The following DOCK1 variants were observed in gnomAD, a reference collection of about 807,000 sequenced individuals.
DOCK1 encodes the protein dedicator of cytokinesis 1.
A neutral mutation model predicts 262.7 loss-of-function variants in DOCK1; 138 were observed. The ratio of observed to expected loss-of-function variants is 0.53; its 90% CI spans 0.46 to 0.61. DOCK1 has a LOEUF of 0.61. Ranked by LOEUF, DOCK1 falls within the 20% of genes least tolerant of loss-of-function variation. The pLI, the probability that DOCK1 is intolerant of heterozygous loss-of-function variation, is 0.00. For synonymous variants in DOCK1, 866 were observed against 867.4 expected (o/e 1.00, Z 0.03); for missense variants, 1,908 against 2,370.7 (o/e 0.80, Z 4.05).
intron 33 of DOCK1, among the ~76,000 whole-genome samples, chr10:127,370,346 G>T (rs529355954): frequency 6.6e-6 from 1 of 152,176 alleles, no homozygotes; most frequent in East Asian, 1.9e-4. Context: ...GATAACCTCG[G>T]AGCCCTCCAT....
chr10:127,107,351 G>T (rs1035182234), intron 24 of DOCK1, among the ~76,000 whole-genome samples: 1 of 152,082 alleles, frequency 6.6e-6, no homozygotes, highest in Non-Finnish European at 1.5e-5. Context: ...TAGGTCACTC[G>T]TGCCCTGGAA....
intron 25 of DOCK1, among the ~76,000 whole-genome samples, chr10:127,115,738 A>G (rs995768032): frequency 2.6e-5 from 4 of 152,244 alleles, no homozygotes; most frequent in African/African-American, 9.6e-5. Context: ...GTTAGTAAAG[A>G]GCATTGGCTA....
intron 12 of DOCK1, among the ~76,000 whole-genome samples, chr10:127,014,460 T>C (rs1317697603): frequency 1.3e-5 from 2 of 152,236 alleles, no homozygotes; most frequent in Non-Finnish European, 2.9e-5. Context: ...TTAGTTTATG[T>C]ATTAAGATAT....
intron 1 of DOCK1, among the ~76,000 whole-genome samples, chr10:126,967,026 C>G (rs1468576881): frequency 6.6e-6 from 1 of 152,166 alleles, no homozygotes. Context: ...TTCAGCCCAC[C>G]ACCCAGAGGG....
At chr10:126,932,650 G>A in intron 1 of DOCK1, among the ~76,000 whole-genome samples, 1 of 152,228 alleles carries the variant, frequency 6.6e-6, no homozygotes, top group Non-Finnish European at 1.5e-5. Flanking sequence ...AGCCCCTGTT[G>A]AGCTGAGCTT....
chr10:127,397,517 G>C (rs2066961919), intron 38 of DOCK1, among the ~76,000 whole-genome samples: 3 of 148,678 alleles, frequency 2.0e-5, no homozygotes, highest in Admixed American at 1.3e-4. Flanking sequence ...ATCTGAGCAT[G>C]AGTTACACGG....
At chr10:127,066,602 C>T (rs866931927) in intron 23 of DOCK1, among the ~76,000 whole-genome samples, 1 of 152,190 alleles carries the variant, frequency 6.6e-6, no homozygotes, top group South Asian at 2.1e-4. Context: ...AGAACCAGTG[C>T]GTTCCCCAGG....
At chr10:127,212,706 C>T (rs10829595) in intron 27 of DOCK1, among the ~76,000 whole-genome samples, 52,734 of 149,934 alleles carry the variant, frequency 0.35, 9,327 homozygotes, top group East Asian at 0.43. Flanking sequence ...TCCATAATTA[C>T]ACCTGACCAT....
In DOCK1 at chr10:126,995,446, C is replaced by T. The variant is rs1039523682; in HGVS notation, c.474-1302C>T. On this transcript the variant is annotated intron_variant, in intron 6 of 51. Coordinates refer to ENST00000623213, the MANE Select transcript of DOCK1 (RefSeq NM_001290223.2). The surrounding 1 kb of genome is among the most constrained non-coding windows in gnomAD (Gnocchi z 5.8). ...TCACGGTCAGGAGCTGGAGACCAGCCGGGCCAACCCGGTGAAACCCCGTCT... is the reference window on the plus strand; with the variant it reads ...TCACGGTCAGGAGCTGGAGACCAGCTGGGCCAACCCGGTGAAACCCCGTCT... 6.6e-5 allele frequency among the ~76,000 whole-genome samples: 10 copies of T among 152,176 alleles called. No individual in the cohort carries two copies. The highest frequency in any genetic ancestry group is 3.9e-4 in the East Asian group (2 of 5,168).
At chr10:127,110,896 GATTAA>G (rs2048826794) in intron 25 of DOCK1, among the ~76,000 whole-genome samples, 1 of 152,058 alleles carries the variant, frequency 6.6e-6, no homozygotes, top group Admixed American at 6.5e-5. Flanking sequence ...TATTTGGACA[GATTAA>G]ATTAATATTT....
chr10:127,388,199 G>A (rs1024845972), intron 38 of DOCK1, among the ~76,000 whole-genome samples: 1 of 152,192 alleles, frequency 6.6e-6, no homozygotes, highest in Non-Finnish European at 1.5e-5. Context: ...AGATGTCCCT[G>A]TGTTTTGGTG....
chr10:126,907,674 T>A (rs964425127), intron 1 of DOCK1, among the ~76,000 whole-genome samples: 1 of 151,974 alleles, frequency 6.6e-6, no homozygotes, highest in Non-Finnish European at 1.5e-5. Flanking sequence ...TGTAGCTGGA[T>A]GGTCTGGAGA....
At chr10:126,938,723 T>TTGCTGCTACA (rs1339671524) in intron 1 of DOCK1, among the ~76,000 whole-genome samples, 7,949 of 151,878 alleles carry the variant, frequency 0.052, 275 homozygotes, top group Middle Eastern at 0.12. Flanking sequence ...AAATGGCACC[T>TTGCTGCTACA]TGCTGCTACA....
chr10:127,403,650 T>G (rs948535315), intron 39 of DOCK1, among the ~76,000 whole-genome samples: 1 of 152,112 alleles, frequency 6.6e-6, no homozygotes, highest in Non-Finnish European at 1.5e-5. Context: ...TCCTGGCTAC[T>G]TGGGAGGCTG....
chr10:127,234,596 A>G (rs1287023901), intron 27 of DOCK1, among the ~76,000 whole-genome samples: 11 of 152,140 alleles, frequency 7.2e-5, no homozygotes, highest in Non-Finnish European at 1.0e-4. Flanking sequence ...TAAAAATTCA[A>G]TGGAATTCCA....
intron 22 of DOCK1, among the ~76,000 whole-genome samples, chr10:127,055,596 C>T (rs1156492431): frequency 6.6e-6 from 1 of 152,202 alleles, no homozygotes; most frequent in Non-Finnish European, 1.5e-5. Context: ...GGGCAGTTAA[C>T]ATTCTCTTCC....
At chr10:127,365,594 T>C (rs1255364630) in intron 33 of DOCK1, among the ~76,000 whole-genome samples, 2 of 152,288 alleles carry the variant, frequency 1.3e-5, no homozygotes, top group East Asian at 1.9e-4. Context: ...CACAGAAAAC[T>C]AAGGTCAAAA....
At chr10:127,062,448 A>G (rs752332251) in intron 23 of DOCK1, among the ~76,000 whole-genome samples, 125 of 152,288 alleles carry the variant, frequency 8.2e-4, no homozygotes, top group Non-Finnish European at 1.4e-3. Flanking sequence ...ATTATTGTTG[A>G]CCGTCTTCAC....
intron 27 of DOCK1, among the ~76,000 whole-genome samples, chr10:127,196,926 G>A (rs1589897330): frequency 1.3e-5 from 2 of 152,124 alleles, no homozygotes; most frequent in Non-Finnish European, 2.9e-5. Flanking sequence ...GGGATGGGGG[G>A]TCGCTGGGGA....
Sources: allele counts gnomAD v4.1 joint callset (sites outside exome capture counted in the v4.1 genomes callset), GRCh38; gene constraint gnomAD v4.1.1; non-coding constraint Gnocchi (gnomAD v3.1); transcripts MANE v1.5; gene names NCBI Gene and HGNC (gene_info 2026-07-23, HGNC 2026-07-21).